Variants in SHANK2 observed in about 807,000 individuals in gnomAD.
The protein encoded by SHANK2 is SH3 and multiple ankyrin repeat domains 2.
In SHANK2, 43 loss-of-function variants were observed where a neutral mutation model predicts 133.7. The observed-to-expected ratio is 0.32, with a 90% CI of 0.25 to 0.41. The LOEUF (loss-of-function observed/expected upper bound fraction) is 0.41, where lower values mean the gene tolerates loss of function less well. SHANK2 is among the 10% of genes least tolerant of loss of function. The probability of loss-of-function intolerance (pLI) is 1.00; values close to 1 mark genes in which losing one functional copy is unlikely to be tolerated. For missense variants in SHANK2, 1,994 were observed against 2,235.8 expected, an observed-to-expected ratio of 0.89 and a Z score of 2.18; for synonymous variants, 1,017 against 952.8, an observed-to-expected ratio of 1.07 and a Z score of -1.24.
intron 10 of SHANK2, among the ~76,000 whole-genome samples, chr11:70,953,510 G>A: frequency 6.6e-6 from 1 of 150,798 alleles, no homozygotes; most frequent in East Asian, 2.0e-4. Flanking sequence ...ACTGGTGTAG[G>A]TCCCAGAGTC....
intron 11 of SHANK2, chr11:70,863,257 C>T: frequency 2.2e-6 from 1 of 449,666 alleles, no homozygotes; most frequent in East Asian, 7.0e-5. Flanking sequence ...TGACACCTCT[C>T]CCCATGACAT....
At chr11:71,172,623 AAAAAG>A (rs1162606317) in intron 2 of SHANK2, among the ~76,000 whole-genome samples, 1 of 151,802 alleles carries the variant, frequency 6.6e-6, no homozygotes, top group Non-Finnish European at 1.5e-5. Context: ...GAAAAAAAGA[AAAAAG>A]AAAAGAAAAG....
At chr11:70,483,445 T>C (rs1555152232) in intron 25 of SHANK2, among the ~76,000 whole-genome samples, 1 of 143,434 alleles carries the variant, frequency 7.0e-6, no homozygotes, top group Non-Finnish European at 1.5e-5. Flanking sequence ...ATGCCTGCAA[T>C]CCCAGCACTT....
chr11:70,774,813 C>T (rs1271396424), intron 14 of SHANK2, among the ~76,000 whole-genome samples: 1 of 152,104 alleles, frequency 6.6e-6, no homozygotes, highest in African/African-American at 2.4e-5. Context: ...TGTGTGAATT[C>T]CTTCGGATCA....
chr11:70,903,084 T>C (rs1255189024), intron 10 of SHANK2, among the ~76,000 whole-genome samples: 2 of 152,078 alleles, frequency 1.3e-5, no homozygotes, highest in Admixed American at 1.3e-4. Flanking sequence ...ACACCTAACA[T>C]TAAGTTAGCC....
intron 10 of SHANK2, among the ~76,000 whole-genome samples, chr11:70,932,587 G>A (rs1950518081): frequency 1.3e-5 from 2 of 152,178 alleles, no homozygotes; most frequent in South Asian, 2.1e-4. Flanking sequence ...CATTGTGTGA[G>A]TAGAGATCCA....
chr11:70,853,225 A>G (rs1187552056), intron 11 of SHANK2, among the ~76,000 whole-genome samples: 2 of 152,132 alleles, frequency 1.3e-5, no homozygotes, highest in African/African-American at 4.8e-5. Context: ...ACAGAGCCAG[A>G]CTCTTTCTAG....
At chr11:70,878,747 A>C (rs975175014) in intron 11 of SHANK2, among the ~76,000 whole-genome samples, 1 of 152,166 alleles carries the variant, frequency 6.6e-6, no homozygotes, top group Non-Finnish European at 1.5e-5. Context: ...AGGGACCCTG[A>C]CAAGCTCTCT....
chr11:70,742,590 C>G (rs532440139), intron 14 of SHANK2, among the ~76,000 whole-genome samples: 9 of 152,192 alleles, frequency 5.9e-5, no homozygotes, highest in African/African-American at 1.7e-4. Flanking sequence ...CGCCACCCCC[C>G]ACCCGGCTCT....
intron 13 of SHANK2, among the ~76,000 whole-genome samples, chr11:70,806,222 T>A (rs1218342953): frequency 1.3e-5 from 2 of 152,148 alleles, no homozygotes; most frequent in Non-Finnish European, 2.9e-5. Context: ...GGGCCCGGCA[T>A]GCTGCCCTCC....
chr11:70,610,815 A>G (rs2060648352), intron 17 of SHANK2, among the ~76,000 whole-genome samples: 1 of 152,206 alleles, frequency 6.6e-6, no homozygotes, highest in South Asian at 2.1e-4. Context: ...CTCAGAGCCC[A>G]CAGACTCCAT....
intron 14 of SHANK2, among the ~76,000 whole-genome samples, chr11:70,703,021 AG>A (rs1157393610): frequency 1.6e-4 from 25 of 152,250 alleles, no homozygotes; most frequent in African/African-American, 6.0e-4. Context: ...GTCATACATT[AG>A]ATTAGAAACC....
At chr11:70,760,173 T>C (rs967482942) in intron 14 of SHANK2, among the ~76,000 whole-genome samples, 1 of 152,232 alleles carries the variant, frequency 6.6e-6, no homozygotes, top group Non-Finnish European at 1.5e-5. Context: ...TCAGTGCACA[T>C]GTCAGGACCT....
chr11:70,815,609 G>T (rs1555054128), intron 12 of SHANK2, among the ~76,000 whole-genome samples: 1 of 152,204 alleles, frequency 6.6e-6, no homozygotes, highest in Non-Finnish European at 1.5e-5. Flanking sequence ...GTGCAAGCTG[G>T]CTCAGGGCAG....
intron 3 of SHANK2, among the ~76,000 whole-genome samples, chr11:71,144,333 C>A (rs782434783): frequency 3.3e-5 from 5 of 152,230 alleles, no homozygotes; most frequent in Non-Finnish European, 7.3e-5. Context: ...TCAGGTGCAA[C>A]CTCCTCATGA....
At chr11:71,115,867 T>C (rs1346923504) in intron 4 of SHANK2, among the ~76,000 whole-genome samples, 1 of 152,204 alleles carries the variant, frequency 6.6e-6, no homozygotes, top group Non-Finnish European at 1.5e-5. Context: ...GTAAGGTCCG[T>C]GGGATCAGAA....
At chr11:70,939,617 C>T (rs903076878) in intron 10 of SHANK2, among the ~76,000 whole-genome samples, 1 of 152,314 alleles carries the variant, frequency 6.6e-6, no homozygotes, top group Non-Finnish European at 1.5e-5. Flanking sequence ...AGCTCAACAA[C>T]TTTGGGATTT....
chr11:70,722,533 T>C (rs781865475), intron 14 of SHANK2, among the ~76,000 whole-genome samples: 2 of 152,256 alleles, frequency 1.3e-5, no homozygotes, highest in South Asian at 4.1e-4. Flanking sequence ...CATGGATTCA[T>C]AAAAGGTATT....
intron 7 of SHANK2, among the ~76,000 whole-genome samples, chr11:71,093,053 G>GA (rs1555094461): frequency 9.7e-6 from 1 of 103,522 alleles, no homozygotes; most frequent in Non-Finnish European, 2.2e-5. Context: ...AAAAATAAAG[G>GA]GGGGGGGGGG....
Sources: gnomAD v4.1 joint callset for allele counts (sites outside exome capture counted in the v4.1 genomes callset) on GRCh38, gnomAD v4.1.1 for gene constraint, MANE v1.5 for transcripts, NCBI Gene and HGNC (gene_info 2026-07-23, HGNC 2026-07-21) for gene names.